Variants in ARHGAP22 observed in about 807,000 individuals in gnomAD.
The protein encoded by ARHGAP22 is Rho GTPase activating protein 22.
ARHGAP22 carries 48 observed loss-of-function variants against 59.1 expected under a neutral mutation model. The observed-to-expected ratio is 0.81, with a 90% confidence interval of 0.64 to 1.03. The LOEUF is 1.03. Ranked by LOEUF, ARHGAP22 falls within the 50% of genes least tolerant of loss-of-function variation. The pLI is 0.00. For missense variants in ARHGAP22, 1,015 were observed against 958.7 expected (o/e 1.06, Z -0.78); for synonymous variants, 445 against 416.4 (o/e 1.07, Z -0.84).
chr10:48,477,897 G>A (rs186910406), intron 4 of ARHGAP22, among the ~76,000 whole-genome samples: 4 of 152,234 alleles, frequency 2.6e-5, no homozygotes, highest in East Asian at 1.9e-4. Context: ...TGTTGCAAAC[G>A]CCTTCACCCA....
chr10:48,502,285 G>C (rs570614513), intron 3 of ARHGAP22, among the ~76,000 whole-genome samples: 25 of 152,238 alleles, frequency 1.6e-4, no homozygotes, highest in African/African-American at 5.3e-4. Context: ...AGTACCTCGT[G>C]GGGGAAGGAG....
intron 2 of ARHGAP22, among the ~76,000 whole-genome samples, chr10:48,566,993 T>C (rs189829052): frequency 6.6e-6 from 1 of 152,296 alleles, no homozygotes; most frequent in African/African-American, 2.4e-5. Context: ...GAAACCCTGG[T>C]GGAGCCCTCA....
intron 3 of ARHGAP22, among the ~76,000 whole-genome samples, chr10:48,520,612 T>C (rs1368548279): frequency 6.6e-6 from 1 of 152,050 alleles, no homozygotes; most frequent in African/African-American, 2.4e-5. Flanking sequence ...GGACAAGAAA[T>C]TGGTCTTGTT....
Position 48,604,914 on chromosome 10 carries a change from C to T in ARHGAP22, c.-118G>A. ...CTGCTCGTTCGGGGCCCCGTGGCCGCTGGCGTCACCCGTCAGGCTCCCTCG... is the reference window on the plus strand; with the variant it reads ...CTGCTCGTTCGGGGCCCCGTGGCCGTTGGCGTCACCCGTCAGGCTCCCTCG... On this transcript the variant is annotated 5_prime_UTR_variant, in exon 1 of 10. Coordinates refer to ENST00000249601, the MANE Select transcript of ARHGAP22 (RefSeq NM_021226.4). 4 of 1,576,084 alleles carry T rather than the reference C, an allele frequency of 2.5e-6. No individual in the cohort carries two copies. Among genetic ancestry groups the T allele is most frequent in the Non-Finnish European group, 3.4e-6 (4 of 1,164,266 alleles).
Position 48,450,255 on chromosome 10 carries a change from A to C in ARHGAP22, c.1868+6T>G, listed in dbSNP as rs1342183053. ...TCACAGGAGGCTCCACGGGGCAGCAAGTTACCTTTTCACACTCCTCTCGTA... is the reference window on the plus strand; with the variant it reads ...TCACAGGAGGCTCCACGGGGCAGCACGTTACCTTTTCACACTCCTCTCGTA... On this transcript the variant is annotated splice_donor_region_variant and intron_variant, in intron 9 of 9. Transcript: ENST00000249601. 2 of 1,607,876 alleles carry C rather than the reference A, an allele frequency of 1.2e-6. No homozygotes were observed. Among genetic ancestry groups the C allele is most frequent in the Non-Finnish European group, 8.5e-7 (1 of 1,177,774 alleles).
chr10:48,448,159 G>T (rs2045551188), intron 9 of ARHGAP22, among the ~76,000 whole-genome samples: 4 of 151,988 alleles, frequency 2.6e-5, no homozygotes, highest in Admixed American at 2.6e-4. Context: ...AGGCCAAAAG[G>T]CCCCACCCAT....
At chr10:48,607,785 G>C (rs1161730259), upstream of ARHGAP22, among the ~76,000 whole-genome samples, 2 of 152,180 alleles carry the variant, frequency 1.3e-5, no homozygotes, top group African/African-American at 4.8e-5. Context: ...AGTGGTCCTA[G>C]GTCTGCCTTC....
chr10:48,577,864 G>A (rs1015798638), intron 2 of ARHGAP22, among the ~76,000 whole-genome samples: 1 of 123,032 alleles, frequency 8.1e-6, no homozygotes, highest in Non-Finnish European at 1.6e-5. Context: ...CCAGGCTGAA[G>A]TGCAGTAGCG....
chr10:48,648,220 A>G (rs1183281974), intron 1 of ARHGAP22, among the ~76,000 whole-genome samples: 1 of 152,238 alleles, frequency 6.6e-6, no homozygotes, highest in Non-Finnish European at 1.5e-5. Context: ...GTTGAAATAC[A>G]TAGAATATGA....
intron 3 of ARHGAP22, among the ~76,000 whole-genome samples, chr10:48,480,429 C>CA (rs1411837572): frequency 1.3e-5 from 2 of 152,150 alleles, no homozygotes; most frequent in Non-Finnish European, 2.9e-5. Flanking sequence ...TTGGGAAATA[C>CA]AAAAAACTAT....
In ARHGAP22 at chr10:48,451,015, AG is replaced by A; in HGVS notation, c.1113del (p.Ser372ProfsTer91). 1 of 1,555,192 alleles carries A rather than the reference AG, an allele frequency of 6.4e-7. No individual in the cohort carries two copies. Among genetic ancestry groups the A allele is most frequent in the Non-Finnish European group, 8.7e-7 (1 of 1,149,746 alleles). On this transcript the variant is annotated frameshift_variant, in exon 9 of 10. Coordinates refer to ENST00000249601, the MANE Select transcript of ARHGAP22 (RefSeq NM_021226.4). LOFTEE classifies it high-confidence loss of function. ...TGGCTGTCCCTGGTGACCTCCTCGG[AG>A]CCCCACCCCACTGCGCATTGCAGGC... is the stretch of plus-strand genomic sequence containing the variant. ...RGGLQCAVGW[G>X]SEEVTRDSQG...
At chr10:48,507,827 A>G (rs2052301990) in intron 3 of ARHGAP22, among the ~76,000 whole-genome samples, 1 of 149,406 alleles carries the variant, frequency 6.7e-6, no homozygotes, top group African/African-American at 2.5e-5. Context: ...AAGGATAGGA[A>G]GCCACCAGTA....
intron 1 of ARHGAP22, among the ~76,000 whole-genome samples, chr10:48,626,724 T>C (rs2061462133): frequency 6.6e-6 from 1 of 152,168 alleles, no homozygotes; most frequent in Non-Finnish European, 1.5e-5. Context: ...ACTAGATATT[T>C]GATATTTGTA....
chr10:48,431,217 A>G, the ARHGAP22 span: 2 of 1,611,286 alleles, frequency 1.2e-6, no homozygotes, highest in Non-Finnish European at 1.7e-6. Context: ...GAAGTTATGG[A>G]CTTGGAGGAG....
At chr10:48,622,817 T>C (rs777451156) in intron 1 of ARHGAP22, among the ~76,000 whole-genome samples, 2 of 152,206 alleles carry the variant, frequency 1.3e-5, no homozygotes, top group African/African-American at 2.4e-5. Flanking sequence ...CTACCAAATA[T>C]AGGCATATGG....
chr10:48,545,768 G>A (rs933755893), intron 3 of ARHGAP22, among the ~76,000 whole-genome samples: 5 of 152,236 alleles, frequency 3.3e-5, no homozygotes, highest in Non-Finnish European at 4.4e-5. Flanking sequence ...GGCTGGATAA[G>A]GCCAGGCAGC....
At chr10:48,580,367 G>A (rs1209378861) in intron 2 of ARHGAP22, among the ~76,000 whole-genome samples, 1 of 152,194 alleles carries the variant, frequency 6.6e-6, no homozygotes, top group East Asian at 1.9e-4. Context: ...TAGCTGATGG[G>A]TGAGGGCTCC....
In ARHGAP22 at chr10:48,479,632, G is replaced by A; in HGVS notation, c.451+4C>T. ...AGGGTGGGCATGCGATCTACGGGCAGTACCTCCGCCCAGCGGGGCCCAGAT... is the reference window on the plus strand; with the variant it reads ...AGGGTGGGCATGCGATCTACGGGCAATACCTCCGCCCAGCGGGGCCCAGAT... On this transcript the variant is annotated splice_donor_region_variant and intron_variant, in intron 4 of 9. Transcript: ENST00000249601. 1 of 1,613,914 alleles carries A rather than the reference G, an allele frequency of 6.2e-7. No individual in the cohort carries two copies. The highest frequency in any genetic ancestry group is 8.5e-7 in the Non-Finnish European group (1 of 1,179,980).
At chr10:48,459,461 G>T (rs1318994468) in intron 5 of ARHGAP22, among the ~76,000 whole-genome samples, 2 of 152,232 alleles carry the variant, frequency 1.3e-5, no homozygotes, top group Non-Finnish European at 2.9e-5. Context: ...GGGGAGGCAG[G>T]CTGTGTGGAT....
Sources: allele counts gnomAD v4.1 joint callset (sites outside exome capture counted in the v4.1 genomes callset), GRCh38; gene constraint gnomAD v4.1.1; transcripts MANE v1.5; gene names NCBI Gene and HGNC (gene_info 2026-07-23, HGNC 2026-07-21).